Variants in GBE1 observed in about 807,000 individuals in gnomAD.
The protein encoded by GBE1 is 1,4-alpha-glucan branching enzyme 1, also known as 1,4-alpha-glucan-branching enzyme.
GBE1 carries 70 observed loss-of-function variants against 88.8 expected under a neutral mutation model. The ratio of observed to expected loss-of-function variants is 0.79; its 90% CI spans 0.65 to 0.96. The LOEUF is 0.96. GBE1 is among the 40% of genes least tolerant of loss of function. The pLI, the probability that GBE1 is intolerant of heterozygous loss-of-function variation, is 0.00. For synonymous variants in GBE1, 284 were observed against 300.1 expected (o/e 0.95, Z 0.56); for missense variants, 872 against 871.0 (o/e 1.00, Z -0.01).
chr3:81,601,120 G>C (rs1233119203), intron 7 of GBE1, among the ~76,000 whole-genome samples: 12 of 151,988 alleles, frequency 7.9e-5, no homozygotes, highest in Non-Finnish European at 1.8e-4. Context: ...GACTGGAGTG[G>C]AGCAGAATAG....
At chr3:81,512,886 A>G (rs1702743531) in intron 14 of GBE1, among the ~76,000 whole-genome samples, 1 of 151,790 alleles carries the variant, frequency 6.6e-6, no homozygotes, top group Middle Eastern at 3.2e-3. Context: ...TTTCAGACAC[A>G]TGATTCATAC....
At chr3:81,675,353 C>G (rs1463918844) in intron 2 of GBE1, among the ~76,000 whole-genome samples, 1 of 151,982 alleles carries the variant, frequency 6.6e-6, no homozygotes, top group Non-Finnish European at 1.5e-5. Context: ...TTAGGATTGA[C>G]TGGGGTTGTA....
At chr3:81,688,467 ATTAAG>A (rs1705471775) in intron 2 of GBE1, among the ~76,000 whole-genome samples, 1 of 152,246 alleles carries the variant, frequency 6.6e-6, no homozygotes, top group Non-Finnish European at 1.5e-5. Context: ...TGAAGATGAT[ATTAAG>A]TTAACTTGGC....
At chr3:81,746,025 C>T (rs555642247) in intron 1 of GBE1, among the ~76,000 whole-genome samples, 36 of 152,190 alleles carry the variant, frequency 2.4e-4, no homozygotes, top group South Asian at 6.2e-4. Context: ...AAAATACTGA[C>T]ATTAGTTAAG....
chr3:81,750,628 T>C (rs868494512), intron 1 of GBE1, among the ~76,000 whole-genome samples: 7 of 64,834 alleles, frequency 1.1e-4, no homozygotes, highest in Admixed American at 4.0e-4. Flanking sequence ...TATATATATA[T>C]ACGTATATAT....
chr3:81,758,520 G>A (rs1706634020), intron 1 of GBE1, among the ~76,000 whole-genome samples: 3 of 152,192 alleles, frequency 2.0e-5, no homozygotes. Flanking sequence ...CTAGATTTTT[G>A]AGTGACTGCC....
intron 1 of GBE1, chr3:81,743,616 A>C: frequency 6.5e-7 from 1 of 1,534,730 alleles, no homozygotes. Context: ...TCTGGGCCGA[A>C]TCCAAGTGAA....
intron 1 of GBE1, among the ~76,000 whole-genome samples, chr3:81,722,732 C>T (rs1706050450): frequency 6.6e-6 from 1 of 151,502 alleles, no homozygotes; most frequent in African/African-American, 2.4e-5. Context: ...GCCAGCTAAA[C>T]CTGACCATTC....
chr3:81,565,962 C>G (rs1342797677), intron 12 of GBE1, among the ~76,000 whole-genome samples: 1 of 152,102 alleles, frequency 6.6e-6, no homozygotes, highest in Non-Finnish European at 1.5e-5. Flanking sequence ...CTGATTTAAA[C>G]TTTATTTACT....
At chr3:81,697,087 C>G (rs551226517) in intron 2 of GBE1, among the ~76,000 whole-genome samples, 7 of 152,130 alleles carry the variant, frequency 4.6e-5, no homozygotes, top group African/African-American at 1.2e-4. Flanking sequence ...GACTGCCCCC[C>G]ACACCAGTAA....
chr3:81,572,185 C>T (rs1313457359), intron 12 of GBE1, among the ~76,000 whole-genome samples: 1 of 152,132 alleles, frequency 6.6e-6, no homozygotes, highest in Non-Finnish European at 1.5e-5. Flanking sequence ...TCCCCTTCAC[C>T]TTCTGCCTTG....
chr3:81,621,545 C>G (rs1704333507), intron 7 of GBE1, among the ~76,000 whole-genome samples: 2 of 152,076 alleles, frequency 1.3e-5, no homozygotes, highest in South Asian at 4.1e-4. Flanking sequence ...ATTCAGTACC[C>G]TCATCCAACA....
chr3:81,556,426 A>T (rs1363824905), intron 12 of GBE1, among the ~76,000 whole-genome samples: 1 of 152,048 alleles, frequency 6.6e-6, no homozygotes, highest in African/African-American at 2.4e-5. Flanking sequence ...TGGCACATGA[A>T]TGTATAAAAA....
chr3:81,557,875 G>A (rs1389080607), intron 12 of GBE1, among the ~76,000 whole-genome samples: 1 of 151,990 alleles, frequency 6.6e-6, no homozygotes, highest in African/African-American at 2.4e-5. Flanking sequence ...TAACAAAGAA[G>A]AAAGAGAAGG....
chr3:81,718,823 C>T (rs528927769), intron 1 of GBE1, among the ~76,000 whole-genome samples: 5 of 151,858 alleles, frequency 3.3e-5, no homozygotes, highest in African/African-American at 9.7e-5. Context: ...TTTGTAGAGA[C>T]GAGATTTCTC....
At chr3:81,716,133 A>G (rs2107183471) in intron 1 of GBE1, among the ~76,000 whole-genome samples, 1 of 152,272 alleles carries the variant, frequency 6.6e-6, no homozygotes, top group Non-Finnish European at 1.5e-5. Context: ...CACATTTAAG[A>G]AAAAATTGTT....
At chr3:81,501,124 A>G (rs1702580983) in intron 14 of GBE1, among the ~76,000 whole-genome samples, 2 of 152,212 alleles carry the variant, frequency 1.3e-5, no homozygotes, top group South Asian at 4.1e-4. Context: ...AGAAAAAAGG[A>G]AAGAAACCAT....
At chr3:81,554,336 C>T (rs1703318621) in intron 12 of GBE1, among the ~76,000 whole-genome samples, 1 of 152,092 alleles carries the variant, frequency 6.6e-6, no homozygotes, top group African/African-American at 2.4e-5. Flanking sequence ...TGAAAGATTC[C>T]ACACCATTTT....
intron 12 of GBE1, among the ~76,000 whole-genome samples, chr3:81,556,564 C>T (rs1015432321): frequency 2.6e-5 from 4 of 152,002 alleles, no homozygotes; most frequent in African/African-American, 7.2e-5. Flanking sequence ...ATTCATAACT[C>T]GGGAGACATT....
Sources: allele counts gnomAD v4.1 joint callset (sites outside exome capture counted in the v4.1 genomes callset), GRCh38; gene constraint gnomAD v4.1.1; transcripts MANE v1.5; gene names NCBI Gene and HGNC (gene_info 2026-07-23, HGNC 2026-07-21).